The following SCN1A variants were observed in gnomAD, a reference collection of about 807,000 sequenced individuals.
SCN1A encodes sodium channel protein type 1 subunit alpha.
In SCN1A, 13 loss-of-function variants were observed where a neutral mutation model predicts 193.7. The ratio of observed to expected loss-of-function variants is 0.07; its 90% confidence interval spans 0.04 to 0.11. SCN1A has a LOEUF of 0.11. SCN1A is among the 10% of genes least tolerant of loss of function. The pLI, the probability that SCN1A is intolerant of heterozygous loss-of-function variation, is 1.00. For missense variants in SCN1A, 1,432 were observed against 2,451.1 expected, an observed-to-expected ratio of 0.58 and a Z score of 8.78; for synonymous variants, 781 against 843.6, an observed-to-expected ratio of 0.93 and a Z score of 1.29.
At chr2:166,086,509 C>G (rs981543561) in intron 2 of SCN1A, among the ~76,000 whole-genome samples, 2 of 151,712 alleles carry the variant, frequency 1.3e-5, no homozygotes, top group African/African-American at 4.9e-5. Flanking sequence ...TTCATGACTC[C>G]TCCTATAACT....
In SCN1A at chr2:165,994,194, T is replaced by A; in HGVS notation, c.4804A>T (p.Ile1602Phe). Residue 1602 changes from isoleucine (I) to phenylalanine (F), a missense_variant, in exon 28 of 29, where the codon ATT becomes TTT. Physicochemically the swap from Ile to Phe is conservative, Grantham distance 21. Transcript: ENST00000674923. The stretch of plus-strand genomic sequence containing the variant: ...ACAAAATCAAAAATATTCCATCCAA[T>A]GGTAAAATAATAATGGCGTAGAGAG... ...LISLRHYYFT[I>F]GWNIFDFVVV... 2 of 1,612,484 alleles carry A rather than the reference T, an allele frequency of 1.2e-6. No homozygotes were observed. Among genetic ancestry groups the A allele is most frequent in the Non-Finnish European group, 1.7e-6 (2 of 1,179,086 alleles).
At chr2:166,075,507 C>A (rs940736930) in intron 3 of SCN1A, among the ~76,000 whole-genome samples, 2 of 151,906 alleles carry the variant, frequency 1.3e-5, no homozygotes, top group Non-Finnish European at 2.9e-5. Context: ...AGATTTGACT[C>A]GTACCTATTA....
chr2:166,053,677 A>G (rs1321906683), intron 7 of SCN1A, among the ~76,000 whole-genome samples: 5 of 151,936 alleles, frequency 3.3e-5, no homozygotes, highest in Non-Finnish European at 7.4e-5. Flanking sequence ...CTGATCAGAT[A>G]GGAAATTAAG....
chr2:166,034,101 A>G (rs13418651), intron 19 of SCN1A, among the ~76,000 whole-genome samples: 112,126 of 152,032 alleles, frequency 0.74, 41,741 homozygotes, highest in East Asian at 0.89. Context: ...AATATTTGAT[A>G]AAAACAGTCT....
rs72871943 is a variant in SCN1A, at chr2:166,010,179, A to G, written c.3880-338T>C. Among the ~76,000 whole-genome samples the G allele has an allele frequency of 0.11, 16,281 of 151,068 alleles. 1,218 individuals carry two copies. Among genetic ancestry groups the G allele is most frequent in the East Asian group, 0.27 (1,370 of 5,124 alleles). ...TCATTGGCTATTCTTCCTTTATTTT[A>G]TTAAGTTGCTGTTGAATTTAAGGCT... On this transcript the variant is annotated intron_variant, in intron 22 of 28. Transcript: ENST00000674923.
intron 2 of SCN1A, among the ~76,000 whole-genome samples, chr2:166,100,909 T>C: frequency 7.9e-5 from 3 of 38,080 alleles, no homozygotes; most frequent in Admixed American, 3.2e-4. Context: ...ACACTGTTGG[T>C]GGGACTGTAA....
At chr2:166,047,807 GCTGCCTTTTTACT>G (rs1223436852) in intron 10 of SCN1A, 39 bp from the exon 11 acceptor site, 5 of 1,612,480 alleles carry the variant, frequency 3.1e-6, no homozygotes, top group Admixed American at 1.7e-5. Context: ...AAGTCGTTCT[GCTGCCTTTTTACT>G]CTGATACTAT....
chr2:166,036,286 T>A lies in SCN1A; in HGVS notation c.3191A>T (p.Asn1064Ile). The A allele has an allele frequency of 6.2e-7, 1 of 1,613,726 alleles. No homozygotes were observed. The highest frequency in any genetic ancestry group is 1.1e-5 in the South Asian group (1 of 91,068). ...LNNKKDSCMSNHTAEIGKDLD... is the reference protein window; with the variant it reads ...LNNKKDSCMSIHTAEIGKDLD... ...ATCTTTCCCAATTTCTGCTGTATGA[T>A]TGGACATACAACTGTCTTTCTTGTT... Residue 1064 changes from asparagine (N) to isoleucine (I), a missense_variant, in exon 19 of 29, where the codon AAT (asparagine) becomes ATT (isoleucine). By Grantham distance (149) the Asn-to-Ile change is moderately radical. This residue lies in a region of SCN1A where 198 missense variants were observed against 225.8 expected (regional missense o/e 0.88). Coordinates refer to ENST00000674923, the MANE Select transcript of SCN1A (RefSeq NM_001165963.4).
rs931841985 is a variant in SCN1A, at chr2:165,987,027, T to A, written c.*4218A>T. On this transcript the variant is annotated 3_prime_UTR_variant, in exon 29 of 29. Coordinates refer to ENST00000674923, the MANE Select transcript of SCN1A (RefSeq NM_001165963.4). ...ATAATATTATTTATCTGTTATTTTT[T>A]AATTTGATATTCCATCCAGAATTGT... 6.6e-6 allele frequency: 1 copy of A among 152,188 alleles called. No homozygotes were observed. The highest frequency in any genetic ancestry group is 1.5e-5 in the Non-Finnish European group (1 of 68,012). The allele number at this position is 152,188 out of a possible 1,614,324, so 9.4% of individuals were successfully genotyped here. A position where few individuals can be genotyped will look rare whatever the true frequency, so the allele number is the denominator to read the frequency against.
At position 166,054,694 on chromosome 2, in the gene SCN1A, A is replaced by G; in HGVS notation, c.546T>C (p.Asp182=). 4 of 1,612,334 alleles carry G rather than the reference A, an allele frequency of 2.5e-6. No homozygotes were observed. Among genetic ancestry groups the G allele is most frequent in the Non-Finnish European group, 3.4e-6 (4 of 1,178,868 alleles). The change falls in exon 7 of 29, where the codon GAT becomes GAC. Residue 182 remains aspartate (D), a synonymous_variant. Transcript: ENST00000674923. ...KIIARGFCLE[D]FTFLRDPWNW... ...TCCATGGATCCCGAAGGAAAGTAAA[A>G]TCTTCTAAACAGAATCCCCTTGCAA... is the stretch of plus-strand genomic sequence containing the variant.
chr2:166,058,492 A>G, intron 5 of SCN1A, 78 bp downstream of exon 5: 2 of 827,804 alleles, frequency 2.4e-6, no homozygotes, highest in Non-Finnish European at 4.1e-6. Flanking sequence ...ACATTTCCCA[A>G]CTTAATTTGA....
At chr2:166,049,030 C>T (rs1698218329) in intron 9 of SCN1A, 81 bp from the exon 10 acceptor site, 2 of 865,076 alleles carry the variant, frequency 2.3e-6, no homozygotes, top group Non-Finnish European at 4.0e-6. Context: ...TCAGGTTCTA[C>T]TTTTAAGTTT....
intron 16 of SCN1A, among the ~76,000 whole-genome samples, chr2:166,039,910 CTTTTTTTTTTTTTTTTTTTT>C (rs10523688): frequency 5.9e-4 from 65 of 110,878 alleles, no homozygotes; most frequent in Non-Finnish European, 1.9e-4. Flanking sequence ...TACAAGTCAT[CTTTTTTTTTTTTTTTTTTTT>C]TTTTTTTTTT....
chr2:165,995,898 C>G (rs967586628), intron 27 of SCN1A, 115 bp downstream of exon 27: 2 of 738,648 alleles, frequency 2.7e-6, no homozygotes, highest in Non-Finnish European at 4.8e-6. Context: ...AGATGATGCT[C>G]TACAAGTGAA....
chr2:166,133,269 C>T (rs1472393593), intron 1 of SCN1A, among the ~76,000 whole-genome samples: 1 of 152,118 alleles, frequency 6.6e-6, no homozygotes, highest in Non-Finnish European at 1.5e-5. Context: ...ATTATGTCTG[C>T]AGGTGATTAT....
At chr2:166,141,300 G>A (rs1050573564) in intron 1 of SCN1A, among the ~76,000 whole-genome samples, 2 of 84,006 alleles carry the variant, frequency 2.4e-5, no homozygotes, top group South Asian at 4.1e-4. Context: ...AGTGGCAATC[G>A]CTGTTAATTT....
chr2:166,046,744 A>T, intron 12 of SCN1A, 26 bp downstream of exon 12: 1 of 1,603,836 alleles, frequency 6.2e-7, no homozygotes, highest in Non-Finnish European at 8.5e-7. Context: ...ATAAAAGGTC[A>T]GTGCCATGAG....
At chr2:166,012,472 G>T (rs1270304844) in intron 21 of SCN1A, among the ~76,000 whole-genome samples, 190 bp from the exon 22 acceptor site, 11 of 150,624 alleles carry the variant, frequency 7.3e-5, no homozygotes, top group African/African-American at 2.7e-4. Flanking sequence ...ACTATTGGTG[G>T]AAGAAAAAGA....
At chr2:166,129,063 A>G (rs996323344), upstream of SCN1A, among the ~76,000 whole-genome samples, 4 of 152,268 alleles carry the variant, frequency 2.6e-5, no homozygotes, top group East Asian at 7.7e-4. Flanking sequence ...GTGTTTTATC[A>G]TTTATCAATA....
Sources: gnomAD v4.1 joint callset for allele counts (sites outside exome capture counted in the v4.1 genomes callset) on GRCh38, gnomAD v4.1.1 for gene constraint, gnomAD v4.1.1 regional missense constraint, MANE v1.5 for transcripts, NCBI Gene and HGNC (gene_info 2026-07-23, HGNC 2026-07-21) for gene names.